GPATCH2: variants seen among roughly 807,000 people sequenced by gnomAD.
GPATCH2 encodes the protein G patch domain-containing protein 2.
GPATCH2 carries 51 observed loss-of-function variants against 58.0 expected under a neutral mutation model. The observed-to-expected ratio is 0.88, with a 90% confidence interval of 0.70 to 1.11. The LOEUF (loss-of-function observed/expected upper bound fraction) is 1.11, where lower values mean the gene tolerates loss of function less well. Among genes scored for constraint, GPATCH2 ranks in the 50% most tolerant of loss-of-function variants. GPATCH2 has a pLI of 0.00. For missense variants in GPATCH2, 625 were observed against 652.2 expected, an observed-to-expected ratio of 0.96 and a Z score of 0.45; for synonymous variants, 222 against 218.5, an observed-to-expected ratio of 1.02 and a Z score of -0.14.
intron 8 of GPATCH2, among the ~76,000 whole-genome samples, chr1:217,480,848 C>G (rs1272704688): frequency 6.6e-6 from 1 of 152,120 alleles, no homozygotes; most frequent in Non-Finnish European, 1.5e-5. Flanking sequence ...ATGGATGGAA[C>G]TGGAGTTGAT....
chr1:217,457,951 G>C (rs1295673938), intron 8 of GPATCH2, among the ~76,000 whole-genome samples: 1 of 152,088 alleles, frequency 6.6e-6, no homozygotes, highest in East Asian at 1.9e-4. Context: ...TGCTTGGCCG[G>C]GCGCGGTGGC....
intron 5 of GPATCH2, among the ~76,000 whole-genome samples, chr1:217,565,872 C>T (rs148600441): frequency 2.0e-5 from 3 of 152,022 alleles, no homozygotes; most frequent in Admixed American, 6.6e-5. Context: ...GAGGCCCAGG[C>T]GGGTGGGTCA....
At chr1:217,610,700 A>C (rs1000021386) in intron 4 of GPATCH2, among the ~76,000 whole-genome samples, 189 bp downstream of exon 4, 3 of 152,208 alleles carry the variant, frequency 2.0e-5, no homozygotes, top group Non-Finnish European at 4.4e-5. Flanking sequence ...CCTAGCAAGA[A>C]AGCAAGTCAA....
intron 5 of GPATCH2, among the ~76,000 whole-genome samples, chr1:217,577,695 T>C (rs1017193400): frequency 2.6e-5 from 4 of 152,140 alleles, no homozygotes; most frequent in Non-Finnish European, 4.4e-5. Context: ...GTATTGGTTA[T>C]CAATGCCAAA....
At chr1:217,534,875 G>A (rs1664388613) in intron 5 of GPATCH2, among the ~76,000 whole-genome samples, 1 of 152,166 alleles carries the variant, frequency 6.6e-6, no homozygotes, top group Admixed American at 6.5e-5. Context: ...CTGGAGATTA[G>A]TTTGTGTTTT....
chr1:217,550,392 T>A (rs1422544885), intron 5 of GPATCH2, among the ~76,000 whole-genome samples: 1 of 152,050 alleles, frequency 6.6e-6, no homozygotes, highest in Non-Finnish European at 1.5e-5. Context: ...CTTAAGGACC[T>A]TAAGGTAAAC....
intron 5 of GPATCH2, among the ~76,000 whole-genome samples, chr1:217,521,780 A>G (rs929247646): frequency 6.6e-6 from 1 of 152,124 alleles, no homozygotes; most frequent in Non-Finnish European, 1.5e-5. Flanking sequence ...TCTTTAAACC[A>G]CAAAGGTTTT....
chr1:217,447,928 T>A (rs753116342), intron 9 of GPATCH2, among the ~76,000 whole-genome samples: 36 of 151,956 alleles, frequency 2.4e-4, no homozygotes, highest in Non-Finnish European at 4.7e-4. Context: ...TGAAACCCCA[T>A]CTCTACTAAA....
intron 5 of GPATCH2, 72 bp downstream of exon 5, chr1:217,610,249 G>T (rs1571649488): frequency 1.3e-6 from 2 of 1,496,286 alleles, no homozygotes; most frequent in East Asian, 2.3e-5. Flanking sequence ...AAAGGATGAG[G>T]ATGTGGCTTT....
At chr1:217,571,100 C>T (rs1424474523) in intron 5 of GPATCH2, among the ~76,000 whole-genome samples, 2 of 152,144 alleles carry the variant, frequency 1.3e-5, no homozygotes, top group Non-Finnish European at 2.9e-5. Context: ...ATGTATACTT[C>T]TCAAGTTTAA....
At chr1:217,516,592 G>A (rs920259320) in intron 5 of GPATCH2, among the ~76,000 whole-genome samples, 1 of 152,142 alleles carries the variant, frequency 6.6e-6, no homozygotes, top group Non-Finnish European at 1.5e-5. Flanking sequence ...GAGAAAAGCC[G>A]ACTGTGCCTA....
chr1:217,460,414 C>G (rs575415736), intron 8 of GPATCH2, among the ~76,000 whole-genome samples: 5 of 152,136 alleles, frequency 3.3e-5, no homozygotes, highest in Admixed American at 6.5e-5. Context: ...AAAAAAGATA[C>G]GATGTTCATT....
chr1:217,436,982 C>T (rs925508215), intron 9 of GPATCH2, among the ~76,000 whole-genome samples: 5 of 152,116 alleles, frequency 3.3e-5, no homozygotes, highest in Non-Finnish European at 7.4e-5. Context: ...CAGCTCCCAG[C>T]GAGATCAATG....
intron 8 of GPATCH2, among the ~76,000 whole-genome samples, chr1:217,483,840 G>A (rs906969540): frequency 6.6e-6 from 1 of 152,082 alleles, no homozygotes; most frequent in African/African-American, 2.4e-5. Flanking sequence ...TCTTATTACT[G>A]AGTTTTCAGA....
intron 8 of GPATCH2, among the ~76,000 whole-genome samples, chr1:217,462,464 GGAA>G (rs1660240020): frequency 6.6e-6 from 1 of 152,012 alleles, no homozygotes; most frequent in African/African-American, 2.4e-5. Context: ...ACAGATTTCA[GGAA>G]GCAGTCAAGT....
intron 8 of GPATCH2, among the ~76,000 whole-genome samples, chr1:217,452,137 G>A (rs1659695226): frequency 6.6e-6 from 1 of 152,194 alleles, no homozygotes; most frequent in East Asian, 1.9e-4. Context: ...ATGCATGGAT[G>A]CTGGTAGAGA....
At chr1:217,588,346 G>T (rs1295570477) in intron 5 of GPATCH2, among the ~76,000 whole-genome samples, 4 of 152,120 alleles carry the variant, frequency 2.6e-5, no homozygotes, top group African/African-American at 9.7e-5. Context: ...GCCTAAGAAT[G>T]CAATAACCAG....
At chr1:217,542,976 T>C (rs1390475350) in intron 5 of GPATCH2, among the ~76,000 whole-genome samples, 1 of 152,196 alleles carries the variant, frequency 6.6e-6, no homozygotes, top group Non-Finnish European at 1.5e-5. Flanking sequence ...GAGCTTAAGA[T>C]GCTGGTGCAG....
intron 5 of GPATCH2, among the ~76,000 whole-genome samples, chr1:217,596,637 T>A (rs985718778): frequency 2.0e-5 from 3 of 152,174 alleles, no homozygotes; most frequent in African/African-American, 7.2e-5. Context: ...AAAGCTGATA[T>A]GAAAAATAAT....
Sources: allele counts gnomAD v4.1 joint callset (sites outside exome capture counted in the v4.1 genomes callset), GRCh38; gene constraint gnomAD v4.1.1; transcripts MANE v1.5; gene names NCBI Gene and HGNC (gene_info 2026-07-23, HGNC 2026-07-21).